The following CAST variants were observed in gnomAD, a reference collection of about 807,000 sequenced individuals.
CAST encodes the protein MIR583 host.
CAST carries 76 observed loss-of-function variants against 119.6 expected under a neutral mutation model. That is an observed-to-expected ratio of 0.64 (90% CI 0.53 to 0.77). The LOEUF is 0.77. Among genes scored for constraint, CAST ranks in the 30% least tolerant of loss-of-function variants. CAST has a pLI of 0.00. For synonymous variants in CAST, 319 were observed against 331.6 expected (o/e 0.96, Z 0.41); for missense variants, 953 against 946.5 (o/e 1.01, Z -0.09).
At chr5:96,656,363 G>T (rs973391656) in intron 1 of CAST, among the ~76,000 whole-genome samples, 1 of 152,192 alleles carries the variant, frequency 6.6e-6, no homozygotes, top group African/African-American at 2.4e-5. Context: ...AGGCTATAGC[G>T]TACGTCCCAG....
the CAST span, among the ~76,000 whole-genome samples, chr5:96,256,073 T>C: frequency 6.6e-6 from 1 of 151,886 alleles, no homozygotes. Flanking sequence ...GCAGTATCTA[T>C]TCTCATCTCT....
chr5:96,421,787 C>G, the CAST span: 1 of 815,624 alleles, frequency 1.2e-6, no homozygotes, highest in Non-Finnish European at 2.2e-6. Context: ...TTCCTGAGCA[C>G]TGGAATGTGG....
chr5:96,372,951 G>T, the CAST span, among the ~76,000 whole-genome samples: 1 of 152,104 alleles, frequency 6.6e-6, no homozygotes, highest in Non-Finnish European at 1.5e-5. Context: ...ATGTCCAGGC[G>T]CATCTAGGGA....
chr5:96,741,075 A>C, intron 13 of CAST, 191 bp from the exon 14 acceptor site: 1 of 595,858 alleles, frequency 1.7e-6, no homozygotes, highest in East Asian at 2.8e-5. Flanking sequence ...GAAAGGGGGA[A>C]GTGGAAAATA....
the CAST span, among the ~76,000 whole-genome samples, chr5:96,098,938 A>T: frequency 6.6e-6 from 1 of 152,018 alleles, no homozygotes; most frequent in African/African-American, 2.4e-5. Flanking sequence ...CACGATATTG[A>T]TTTTTCCTAT....
chr5:96,671,779 C>T (rs752902782), intron 1 of CAST, among the ~76,000 whole-genome samples: 4 of 152,234 alleles, frequency 2.6e-5, no homozygotes, highest in Admixed American at 6.5e-5. Context: ...AGCAGTTACA[C>T]GTAGTAGTGG....
At chr5:96,263,399 C>T in the CAST span, among the ~76,000 whole-genome samples, 4 of 152,062 alleles carry the variant, frequency 2.6e-5, no homozygotes, top group East Asian at 7.7e-4. Context: ...GTGTCAAGGA[C>T]CCCACTGAGA....
intron 1 of CAST, among the ~76,000 whole-genome samples, chr5:96,584,036 T>C (rs1225567653): frequency 1.3e-5 from 2 of 152,160 alleles, no homozygotes; most frequent in Non-Finnish European, 2.9e-5. Context: ...TTTTGATAGG[T>C]ATGGAATTCC....
chr5:96,321,551 CATTCTT>C, the CAST span, among the ~76,000 whole-genome samples: 2 of 152,172 alleles, frequency 1.3e-5, no homozygotes, highest in Non-Finnish European at 2.9e-5. Flanking sequence ...TCTAAAAGAG[CATTCTT>C]ATAATCATGG....
chr5:96,136,098 C>T, the CAST span, among the ~76,000 whole-genome samples: 5 of 152,258 alleles, frequency 3.3e-5, no homozygotes, highest in East Asian at 5.8e-4. Context: ...CCAATGTCTA[C>T]GTAAATTATT....
At chr5:96,565,342 A>G (rs261223) in intron 1 of CAST, among the ~76,000 whole-genome samples, 2 of 151,980 alleles carry the variant, frequency 1.3e-5, no homozygotes, top group African/African-American at 2.4e-5. Context: ...TCATTCTACA[A>G]GGTATACATG....
intron 16 of CAST, among the ~76,000 whole-genome samples, chr5:96,745,122 C>T (rs1763490960): frequency 6.6e-6 from 1 of 152,172 alleles, no homozygotes; most frequent in Non-Finnish European, 1.5e-5. Flanking sequence ...ACAGGTGACC[C>T]TGGATGTTCA....
chr5:96,605,771 T>A (rs1747242302), intron 1 of CAST, among the ~76,000 whole-genome samples: 1 of 152,206 alleles, frequency 6.6e-6, no homozygotes, highest in Admixed American at 6.5e-5. Flanking sequence ...TAATAAGAAA[T>A]CATTATTTAT....
chr5:96,007,022 C>T, the CAST span, among the ~76,000 whole-genome samples: 1 of 152,106 alleles, frequency 6.6e-6, no homozygotes, highest in African/African-American at 2.4e-5. Flanking sequence ...TGGTATCACC[C>T]ATTTTATATC....
the CAST span, among the ~76,000 whole-genome samples, chr5:96,000,155 C>T: frequency 1.3e-5 from 2 of 151,764 alleles, no homozygotes; most frequent in African/African-American, 4.8e-5. Flanking sequence ...CTAGATATGT[C>T]CTTCATCAGA....
chr5:96,706,597 C>G (rs1053254985), intron 3 of CAST, among the ~76,000 whole-genome samples: 2 of 152,216 alleles, frequency 1.3e-5, no homozygotes, highest in African/African-American at 4.8e-5. Flanking sequence ...ATCCTAATGA[C>G]TGAGATGTTA....
At chr5:95,993,956 TTTAAA>T in the CAST span, among the ~76,000 whole-genome samples, 2 of 152,048 alleles carry the variant, frequency 1.3e-5, no homozygotes, top group African/African-American at 2.4e-5. Flanking sequence ...AATTAATTAC[TTTAAA>T]TTAAAGAGAT....
At chr5:96,412,481 A>G in the CAST span, 1 of 1,614,060 alleles carries the variant, frequency 6.2e-7, no homozygotes, top group South Asian at 1.1e-5. Flanking sequence ...GCCATCCAGC[A>G]TTCTTATGCC....
chr5:96,537,823 C>T (rs1262538682), intron 1 of CAST, among the ~76,000 whole-genome samples: 1 of 152,212 alleles, frequency 6.6e-6, no homozygotes, highest in Non-Finnish European at 1.5e-5. Flanking sequence ...CCCATCAAAA[C>T]TGTAGATACC....
Sources: gnomAD v4.1 joint callset for allele counts (sites outside exome capture counted in the v4.1 genomes callset) on GRCh38, gnomAD v4.1.1 for gene constraint, MANE v1.5 for transcripts, NCBI Gene and HGNC (gene_info 2026-07-23, HGNC 2026-07-21) for gene names.